The following ALMS1 variants were observed in gnomAD, a reference collection of about 807,000 sequenced individuals.
ALMS1 encodes the protein centrosome-associated protein ALMS1.
Under a neutral mutation model 352.2 loss-of-function variants are expected in ALMS1, and 271 were observed. That is an observed-to-expected ratio of 0.77 (90% CI 0.70 to 0.85). ALMS1 has a LOEUF of 0.85. Among genes scored for constraint, ALMS1 ranks in the 40% least tolerant of loss-of-function variants. ALMS1 has a pLI of 0.00. For synonymous variants in ALMS1, 1,865 were observed against 1,761.2 expected, an observed-to-expected ratio of 1.06 and a Z score of -1.48; for missense variants, 5,445 against 4,870.7, an observed-to-expected ratio of 1.12 and a Z score of -3.51.
At chr2:73,551,636 A>G (rs903152976) in intron 13 of ALMS1, among the ~76,000 whole-genome samples, 1 of 151,556 alleles carries the variant, frequency 6.6e-6, no homozygotes, top group Non-Finnish European at 1.5e-5. Flanking sequence ...GGGTTTCACC[A>G]TGTTGGCCAG....
At chr2:73,582,109 A>G (rs1675196284) in intron 16 of ALMS1, among the ~76,000 whole-genome samples, 1 of 152,002 alleles carries the variant, frequency 6.6e-6, no homozygotes, top group Non-Finnish European at 1.5e-5. Flanking sequence ...TTAAATTTGC[A>G]TTTGCACTAT....
intron 11 of ALMS1, among the ~76,000 whole-genome samples, chr2:73,534,212 T>C (rs932634147): frequency 6.6e-6 from 1 of 152,172 alleles, no homozygotes; most frequent in African/African-American, 2.4e-5. Flanking sequence ...CATTAAAATG[T>C]TAACAATAAT....
At chr2:73,432,835 C>T (rs545119226) in intron 7 of ALMS1, among the ~76,000 whole-genome samples, 18 of 152,282 alleles carry the variant, frequency 1.2e-4, no homozygotes, top group African/African-American at 4.1e-4. Flanking sequence ...GGTTTTTCAT[C>T]GCATTCTACA....
chr2:73,522,715 C>T (rs1412146256), intron 11 of ALMS1, among the ~76,000 whole-genome samples: 1 of 152,146 alleles, frequency 6.6e-6, no homozygotes, highest in Non-Finnish European at 1.5e-5. Context: ...GATCCGCCCA[C>T]CTTGGCCTCC....
At chr2:73,447,852 G>T in intron 7 of ALMS1, 108 bp from the exon 8 acceptor site, 3 of 1,357,390 alleles carry the variant, frequency 2.2e-6, no homozygotes, top group South Asian at 1.7e-5. Context: ...GTTTCCTTAG[G>T]ATTCATTTCT....
At position 73,454,075 on chromosome 2, in the gene ALMS1, GA is replaced by G; in HGVS notation, c.7540+11del. ...GCCGGGTACGAGCACATGGTAAGAA[GA>G]AAGTTTCAGGCTTATAAACGTTATA... On this transcript the variant is annotated intron_variant, in intron 8 of 22. Coordinates refer to ENST00000613296, the MANE Select transcript of ALMS1 (RefSeq NM_001378454.1). 6.2e-7 allele frequency: 1 copy of G among 1,602,954 alleles called. No homozygotes were observed. Among genetic ancestry groups the G allele is most frequent in the Non-Finnish European group, 8.5e-7 (1 of 1,174,440 alleles).
At chr2:73,421,757 T>C (rs1425215173) in intron 3 of ALMS1, among the ~76,000 whole-genome samples, 1 of 152,128 alleles carries the variant, frequency 6.6e-6, no homozygotes, top group Non-Finnish European at 1.5e-5. Context: ...AGTGACAGTA[T>C]GTGTTTTGAC....
Position 73,451,436 on chromosome 2 carries a change from C to T in ALMS1, c.4909C>T (p.Leu1637=), listed in dbSNP as rs1002094627. ...CCGGCAGGCTCTGCTAGACAGTCCT[C>T]TAAATAAAGAGGTTGTGAAAGTTTC... ...FYRQALLDSP[L]NKEVVKVSAA... The change falls in exon 8 of 23, where the codon CTA becomes TTA. Residue 1637 remains leucine, a synonymous_variant. Coordinates refer to ENST00000613296, the MANE Select transcript of ALMS1 (RefSeq NM_001378454.1). The T allele has an allele frequency of 1.2e-6, 2 of 1,613,044 alleles. No individual in the cohort carries two copies. The highest frequency in any genetic ancestry group is 1.3e-5 in the African/African-American group (1 of 74,608).
Position 73,452,093 on chromosome 2 carries a change from C to T in ALMS1, c.5566C>T (p.His1856Tyr). Residue 1856 changes from histidine to tyrosine, a missense_variant, in exon 8 of 23, where the codon CAC (histidine) becomes TAC (tyrosine). Coordinates refer to ENST00000613296, the MANE Select transcript of ALMS1 (RefSeq NM_001378454.1). Reference sequence around the variant, plus strand: ...CTCTAATTCCTACCCACAGAGAGAGCACTCTGTCATTTCTTATGAGCAGGA... The same window carrying T: ...CTCTAATTCCTACCCACAGAGAGAGTACTCTGTCATTTCTTATGAGCAGGA... Reference protein sequence around the residue: ...LPSNSYPQREHSVISYEQELP... With the variant: ...LPSNSYPQREYSVISYEQELP... 6.2e-7 allele frequency: 1 copy of T among 1,613,902 alleles called. No individual in the cohort carries two copies. Among genetic ancestry groups the T allele is most frequent in the East Asian group, 2.2e-5 (1 of 44,854 alleles).
chr2:73,426,582 G>C (rs1486770070), intron 6 of ALMS1, 29 bp downstream of exon 6: 7 of 1,601,992 alleles, frequency 4.4e-6, no homozygotes, highest in Admixed American at 1.7e-5. Flanking sequence ...ATAGTTGTAA[G>C]AAACGTGGCC....
rs112221237 is a variant in ALMS1 at position 73,416,764 on chromosome 2, A to G, written c.451-2359A>G. 4.2e-3 allele frequency among the ~76,000 whole-genome samples: 605 copies of G among 142,600 alleles called. 5 individuals are homozygous for G. The highest frequency in any genetic ancestry group is 0.013 in the African/African-American group (502 of 37,974). 93.6% of individuals were successfully genotyped at this position (142,600 alleles called of 152,430 possible). A position where few individuals can be genotyped will look rare whatever the true frequency, so the allele number is the denominator to read the frequency against. On this transcript the variant is annotated intron_variant, in intron 2 of 22. Transcript: ENST00000613296. ...GCTGTCAATATAATGCCACTTTCTC[A>G]TGTTTTTATTTAAATAAATAAAGCA...
intron 9 of ALMS1, among the ~76,000 whole-genome samples, chr2:73,478,852 C>G (rs1453962765): frequency 6.6e-6 from 1 of 151,966 alleles, no homozygotes; most frequent in Non-Finnish European, 1.5e-5. Context: ...CCTGACCCCA[C>G]CGACAGGCCC....
intron 9 of ALMS1, among the ~76,000 whole-genome samples, chr2:73,478,624 A>G (rs1558661849): frequency 2.0e-5 from 2 of 97,562 alleles, no homozygotes; most frequent in Non-Finnish European, 5.0e-5. Flanking sequence ...TCAGCTAATG[A>G]CGAATATTTT....
chr2:73,390,507 T>G (rs1292407098), intron 1 of ALMS1, among the ~76,000 whole-genome samples: 4 of 152,246 alleles, frequency 2.6e-5, no homozygotes, highest in Non-Finnish European at 5.9e-5. Context: ...TTACTAAGGC[T>G]GAGTTAAACT....
At chr2:73,463,290 C>T (rs1009058213) in intron 9 of ALMS1, among the ~76,000 whole-genome samples, 2 of 152,186 alleles carry the variant, frequency 1.3e-5, no homozygotes, top group African/African-American at 4.8e-5. Flanking sequence ...ACTCAGGATT[C>T]AGAATCTCAC....
chr2:73,518,015 G>A (rs762658464), intron 10 of ALMS1, among the ~76,000 whole-genome samples: 1 of 151,782 alleles, frequency 6.6e-6, no homozygotes, highest in Non-Finnish European at 1.5e-5. Context: ...TTGTTCTATA[G>A]GTAAACTTGT....
intron 10 of ALMS1, among the ~76,000 whole-genome samples, chr2:73,500,519 C>T (rs1164116943): frequency 6.6e-6 from 1 of 152,102 alleles, no homozygotes; most frequent in Non-Finnish European, 1.5e-5. Flanking sequence ...TAGGCTCCTG[C>T]CAGCCTCTGT....
In ALMS1 at chr2:73,399,964, G is replaced by T. The variant is rs1336148146; in HGVS notation, c.325-8658G>T. Reference sequence around the variant, plus strand: ...TTTTTTTTTTTTTTTTTGAGACAGGGTCTGGCGTTGTCACCCAGGCTAGAG... The same window carrying T: ...TTTTTTTTTTTTTTTTTGAGACAGGTTCTGGCGTTGTCACCCAGGCTAGAG... On this transcript the variant is annotated intron_variant, in intron 1 of 22. Transcript: ENST00000613296. 4.8e-4 allele frequency among the ~76,000 whole-genome samples: 70 copies of T among 146,420 alleles called. 1 individual carries two copies. The highest frequency in any genetic ancestry group is 6.8e-3 in the Middle Eastern group (2 of 292).
intron 15 of ALMS1, among the ~76,000 whole-genome samples, chr2:73,566,657 C>A (rs191088556): frequency 3.7e-4 from 56 of 152,320 alleles, no homozygotes; most frequent in African/African-American, 1.1e-3. Flanking sequence ...TTTCCCCTCA[C>A]GTTAAGCAGT....
Sources: allele counts gnomAD v4.1 joint callset (sites outside exome capture counted in the v4.1 genomes callset), GRCh38; gene constraint gnomAD v4.1.1; transcripts MANE v1.5; gene names NCBI Gene and HGNC (gene_info 2026-07-23, HGNC 2026-07-21).